The following MACROD2 variants were observed in gnomAD, a reference collection of about 807,000 sequenced individuals.
MACROD2 encodes the protein ADP-ribose glycohydrolase MACROD2.
In MACROD2, 36 loss-of-function variants were observed where a neutral mutation model predicts 70.4. That is an observed-to-expected ratio of 0.51 (90% CI 0.39 to 0.68). MACROD2 has a LOEUF of 0.68. MACROD2 is among the 30% of genes least tolerant of loss of function. MACROD2 has a pLI of 0.00. For missense variants in MACROD2, 496 were observed against 538.4 expected (o/e 0.92, Z 0.78); for synonymous variants, 172 against 178.8 (o/e 0.96, Z 0.30).
intron 4 of MACROD2, among the ~76,000 whole-genome samples, chr20:14,637,488 A>G (rs1984844971): frequency 6.6e-6 from 1 of 152,226 alleles, no homozygotes; most frequent in South Asian, 2.1e-4. Flanking sequence ...TGCTAAATGA[A>G]AAATACATCT....
chr20:15,039,898 C>T (rs2075342189), intron 5 of MACROD2, among the ~76,000 whole-genome samples: 1 of 152,118 alleles, frequency 6.6e-6, no homozygotes, highest in Non-Finnish European at 1.5e-5. Flanking sequence ...GTTTTGGATG[C>T]TCCCAAAGTT....
At chr20:15,290,906 C>G (rs552538854) in intron 6 of MACROD2, among the ~76,000 whole-genome samples, 5 of 152,126 alleles carry the variant, frequency 3.3e-5, no homozygotes, top group Non-Finnish European at 5.9e-5. Flanking sequence ...ACATGCTATT[C>G]CTACAGAGCT....
intron 3 of MACROD2, among the ~76,000 whole-genome samples, chr20:14,173,439 A>T (rs1169757592): frequency 2.0e-5 from 3 of 151,918 alleles, no homozygotes; most frequent in Non-Finnish European, 2.9e-5. Context: ...GCATTTCTCT[A>T]AGTGTGTCCT....
At chr20:14,614,680 G>A (rs1014335582) in intron 4 of MACROD2, among the ~76,000 whole-genome samples, 3 of 152,090 alleles carry the variant, frequency 2.0e-5, no homozygotes, top group African/African-American at 7.2e-5. Flanking sequence ...TATTTTAGAT[G>A]TGTAAAGACC....
At chr20:14,448,002 G>GTGTGTGTGTGTC (rs2054397770) in intron 3 of MACROD2, among the ~76,000 whole-genome samples, 4 of 151,026 alleles carry the variant, frequency 2.6e-5, no homozygotes, top group Admixed American at 2.0e-4. Flanking sequence ...GTGTGTGTGT[G>GTGTGTGTGTGTC]TGTGTCTGTG....
intron 5 of MACROD2, among the ~76,000 whole-genome samples, chr20:14,911,722 T>C (rs1336399605): frequency 1.3e-5 from 2 of 152,018 alleles, no homozygotes; most frequent in Admixed American, 1.3e-4. Context: ...AGAGATCAGC[T>C]CAAAAGGTAC....
At chr20:14,830,739 G>C (rs2072955042) in intron 5 of MACROD2, among the ~76,000 whole-genome samples, 1 of 152,126 alleles carries the variant, frequency 6.6e-6, no homozygotes, top group South Asian at 2.1e-4. Flanking sequence ...ATCCCCAAGG[G>C]AAGGGCTTAT....
intron 3 of MACROD2, among the ~76,000 whole-genome samples, chr20:14,155,215 T>A (rs914408473): frequency 6.6e-6 from 1 of 152,184 alleles, no homozygotes; most frequent in African/African-American, 2.4e-5. Flanking sequence ...GAAATATATA[T>A]GAAACATAAC....
intron 5 of MACROD2, among the ~76,000 whole-genome samples, chr20:15,156,973 C>A (rs1291964520): frequency 3.9e-5 from 6 of 152,166 alleles, no homozygotes; most frequent in African/African-American, 1.4e-4. Context: ...CTGTTGTGAG[C>A]TTTTATGTGA....
chr20:15,402,707 A>C (rs978337592), intron 6 of MACROD2, among the ~76,000 whole-genome samples: 4 of 152,232 alleles, frequency 2.6e-5, no homozygotes, highest in Non-Finnish European at 5.9e-5. Context: ...GTGCAAAAAT[A>C]GAACTAATTT....
chr20:15,260,612 C>T (rs1011227154), intron 6 of MACROD2, among the ~76,000 whole-genome samples: 1 of 151,800 alleles, frequency 6.6e-6, no homozygotes, highest in Non-Finnish European at 1.5e-5. Context: ...GGTATCCTTT[C>T]CTTTGATTAT....
At chr20:14,737,387 T>A (rs1005728026) in intron 5 of MACROD2, among the ~76,000 whole-genome samples, 2 of 152,194 alleles carry the variant, frequency 1.3e-5, no homozygotes, top group African/African-American at 4.8e-5. Flanking sequence ...AAGTCTTTGC[T>A]ATTGTGAATA....
rs117729095 is a variant in MACROD2, at chr20:14,926,100, G to T, written c.418+241141G>T. On this transcript the variant is annotated intron_variant, in intron 5 of 17. Transcript: ENST00000684519. ...ACCTGGGACAGGTAGCCTCTTGATGGATATTACTTTTCTTTTTCCCAGGCT... is the reference window on the plus strand; with the variant it reads ...ACCTGGGACAGGTAGCCTCTTGATGTATATTACTTTTCTTTTTCCCAGGCT... Among the ~76,000 whole-genome samples the T allele has an allele frequency of 2.5e-3, 381 of 152,292 alleles. 15 individuals carry two copies. The East Asian group carries it at 0.061, about 24-fold the overall frequency.
At chr20:15,406,245 C>T (rs769992125) in intron 6 of MACROD2, among the ~76,000 whole-genome samples, 12 of 152,242 alleles carry the variant, frequency 7.9e-5, no homozygotes, top group East Asian at 1.9e-4. Context: ...AAATGATTAC[C>T]GTGCTCAGGG....
chr20:14,016,432 G>C (rs1248551380), intron 2 of MACROD2, among the ~76,000 whole-genome samples: 1 of 152,016 alleles, frequency 6.6e-6, no homozygotes, highest in Non-Finnish European at 1.5e-5. Flanking sequence ...CAGTTTATCT[G>C]TTTTTTCTCT....
chr20:14,141,468 GGGCGCAGT>G (rs1388519873), intron 3 of MACROD2, among the ~76,000 whole-genome samples: 12 of 152,156 alleles, frequency 7.9e-5, no homozygotes, highest in African/African-American at 2.9e-4. Flanking sequence ...AAGGGCGGCT[GGGCGCAGT>G]GGCTCATGCC....
At chr20:15,616,829 A>C (rs1261926468) in intron 8 of MACROD2, among the ~76,000 whole-genome samples, 1 of 152,168 alleles carries the variant, frequency 6.6e-6, no homozygotes, top group East Asian at 1.9e-4. Context: ...AGTCATTTGC[A>C]GTGATTCAGG....
intron 8 of MACROD2, among the ~76,000 whole-genome samples, chr20:15,812,737 A>G (rs1013728066): frequency 1.3e-5 from 2 of 152,196 alleles, no homozygotes; most frequent in Non-Finnish European, 2.9e-5. Context: ...CAGTGATCAG[A>G]ATTTTAGTAC....
At chr20:14,327,399 G>T (rs922269526) in intron 3 of MACROD2, 1 of 1,613,666 alleles carries the variant, frequency 6.2e-7, no homozygotes, top group East Asian at 2.2e-5. Context: ...CCGCATCGCA[G>T]CGACACACAG....
Sources: allele counts gnomAD v4.1 joint callset (sites outside exome capture counted in the v4.1 genomes callset), GRCh38; gene constraint gnomAD v4.1.1; transcripts MANE v1.5; gene names NCBI Gene and HGNC (gene_info 2026-07-23, HGNC 2026-07-21).